PRPF31: variants seen among roughly 807,000 people sequenced by gnomAD.
PRPF31 encodes the protein pre-mRNA processing factor 31, also known as U4/U6 small nuclear ribonucleoprotein Prp31.
In PRPF31, 12 loss-of-function variants were observed where a neutral mutation model predicts 60.4. The observed-to-expected ratio is 0.20, with a 90% CI of 0.13 to 0.32. PRPF31 has a LOEUF of 0.32. Ranked by LOEUF, PRPF31 falls within the 10% of genes least tolerant of loss-of-function variation. The pLI is 1.00. For missense variants in PRPF31, 431 were observed against 687.1 expected (o/e 0.63, Z 4.17); for synonymous variants, 287 against 287.9 (o/e 1.00, Z 0.03).
At position 54,121,921 on chromosome 19, in the gene PRPF31, C is replaced by T. The variant is rs765321941; in HGVS notation, c.300C>T (p.Thr100=). Residue 100 remains threonine, a synonymous_variant, in exon 4 of 14, where the codon ACC becomes ACT. Coordinates refer to ENST00000321030, the MANE Select transcript of PRPF31 (RefSeq NM_015629.4). ...TCATCGTGGATGCCAACAACCTGACCGTGGAGATCGAAAACGAGCTGAGTG... is the reference window on the plus strand; with the variant it reads ...TCATCGTGGATGCCAACAACCTGACTGTGGAGATCGAAAACGAGCTGAGTG... The part of the protein sequence containing the change: ...YRVIVDANNL[T]VEIENELNII... 8.7e-6 allele frequency: 14 copies of T among 1,612,572 alleles called. No individual in the cohort carries two copies. In the East Asian group the frequency reaches 1.1e-4, roughly 13 times the overall value.
At chr19:54,121,692 C>T (rs587675130) in intron 3 of PRPF31, 168 bp from the exon 4 acceptor site, 5 of 721,442 alleles carry the variant, frequency 6.9e-6, no homozygotes, top group African/African-American at 1.7e-5. Context: ...GGATTGAAGG[C>T]AGGAACACAA....
intron 3 of PRPF31, chr19:54,118,865 C>G (rs369747128): frequency 1.8e-6 from 1 of 566,650 alleles, no homozygotes; most frequent in Non-Finnish European, 3.1e-6. Flanking sequence ...TGATAGGACT[C>G]AGCTTGAGGT....
chr19:54,123,470 T>C lies in PRPF31; in HGVS notation c.437T>C (p.Leu146Pro). The C allele has an allele frequency of 2.1e-5, 34 of 1,614,158 alleles. No individual in the cohort carries two copies. Among genetic ancestry groups the C allele is most frequent in the Non-Finnish European group, 2.8e-5 (33 of 1,180,006 alleles). ...IRTVKELGNS[L>P]DKCKNNENLQ... ...CGCCCCCAGGAGCTGGGCAACAGCC[T>C]GGACAAGTGCAAGAACAATGAGAAC... Residue 146 changes from leucine (L) to proline (P), a missense_variant, in exon 6 of 14, where the codon CTG becomes CCG. By Grantham distance (98) the Leu-to-Pro change is moderately conservative. Transcript: ENST00000321030.
intron 5 of PRPF31, chr19:54,122,822 A>AC: frequency 1.6e-6 from 1 of 619,368 alleles, no homozygotes. Context: ...GGCCTGACCC[A>AC]CGCTGCTCCC....
At position 54,131,559 on chromosome 19, in the gene PRPF31, C is replaced by G. The variant is rs2074048228; in HGVS notation, c.*127C>G. On this transcript the variant is annotated 3_prime_UTR_variant, in exon 14 of 14. Transcript: ENST00000321030. ...CACTGGCCCCATTGCTGGGACTGCCCAGGGAGGAGGCCTTGGAAGAGTCCG... is the reference window on the plus strand; with the variant it reads ...CACTGGCCCCATTGCTGGGACTGCCGAGGGAGGAGGCCTTGGAAGAGTCCG... 7.0e-7 allele frequency: 1 copy of G among 1,434,462 alleles called. No homozygotes were observed. Among genetic ancestry groups the G allele is most frequent in the Admixed American group, 2.0e-5 (1 of 51,034 alleles). 88.9% of individuals were successfully genotyped at this position (1,434,462 alleles called of 1,614,324 possible). A position where few individuals can be genotyped will look rare whatever the true frequency, so the allele number is the denominator to read the frequency against.
intron 6 of PRPF31, 23 bp from the exon 7 acceptor site, chr19:54,123,726 G>T: frequency 6.2e-7 from 1 of 1,600,702 alleles, no homozygotes; most frequent in Non-Finnish European, 8.5e-7. Context: ...GACCCAGGAG[G>T]CTGGGCCCAC....
At chr19:54,122,345 A>T in intron 4 of PRPF31, 152 bp from the exon 5 acceptor site, 1 of 770,974 alleles carries the variant, frequency 1.3e-6, no homozygotes, top group Non-Finnish European at 2.4e-6. Context: ...AGCGGTAAGG[A>T]CGGCTGAGAA....
At chr19:54,121,218 G>A (rs1260853776) in intron 3 of PRPF31, among the ~76,000 whole-genome samples, 1 of 151,664 alleles carries the variant, frequency 6.6e-6, no homozygotes, top group Non-Finnish European at 1.5e-5. Flanking sequence ...CAGGAGAATC[G>A]CTTGAACCCA....
At chr19:54,123,975 G>A in intron 7 of PRPF31, 57 bp downstream of exon 7, 1 of 1,606,866 alleles carries the variant, frequency 6.2e-7, no homozygotes, top group Non-Finnish European at 8.5e-7. Context: ...GTGACCTTGG[G>A]AAAGCTACAT....
At chr19:54,120,762 C>T (rs2073765631) in intron 3 of PRPF31, among the ~76,000 whole-genome samples, 1 of 152,008 alleles carries the variant, frequency 6.6e-6, no homozygotes, top group African/African-American at 2.4e-5. Flanking sequence ...TGTACACCAC[C>T]ATGCCTGGCT....
Position 54,128,305 on chromosome 19 carries a change from G to A in PRPF31, c.1074G>A (p.Arg358=), listed in dbSNP as rs2073969543. 1.1e-6 allele frequency: 1 copy of A among 927,674 alleles called. No individual in the cohort carries two copies. The highest frequency in any genetic ancestry group is 6.4e-5 in the East Asian group (1 of 15,726). The allele number at this position is 927,674 out of a possible 1,614,324, so 57.5% of individuals were successfully genotyped here. ...GCGCCGCCCACCCACCCGTCCCCAG[G>A]TACCGCAAGATGAAGGAGCGGCTGG... ...DGQRKKRGGR[R]YRKMKERLGL... The change falls in exon 11 of 14, where the codon AGG becomes AGA. Residue 358 remains arginine (R), a splice_region_variant and synonymous_variant. Transcript: ENST00000321030.
At chr19:54,121,707 AG>A in intron 3 of PRPF31, 152 bp from the exon 4 acceptor site, 1 of 745,572 alleles carries the variant, frequency 1.3e-6, no homozygotes, top group Non-Finnish European at 2.4e-6. Context: ...ACACAAGTTC[AG>A]GGATGTCTGC....
chr19:54,124,420 G>A (rs1260759140), intron 7 of PRPF31, 79 bp from the exon 8 acceptor site: 24 of 1,266,430 alleles, frequency 1.9e-5, no homozygotes, highest in Non-Finnish European at 2.7e-5. Flanking sequence ...CACACGTCGA[G>A]CCCCCAGGCA....
chr19:54,122,347 G>A lies in PRPF31; in HGVS notation c.323-150G>A, dbSNP rs375993573. 3.6e-4 allele frequency: 281 copies of A among 772,638 alleles called. 1 individual carries two copies. The highest frequency in any genetic ancestry group is 2.6e-3 in the East Asian group (109 of 41,196). The allele number at this position is 772,638 out of a possible 1,614,324, so 47.9% of individuals were successfully genotyped here. A position where few individuals can be genotyped will look rare whatever the true frequency, so the allele number is the denominator to read the frequency against. On this transcript the variant is annotated intron_variant, in intron 4 of 13. Transcript: ENST00000321030. ...CCTGGTCACACCTAGCGGTAAGGAC[G>A]GCTGAGAAAGGCTGTATGCTGGTGC...
At position 54,131,413 on chromosome 19, in the gene PRPF31, G is replaced by C; in HGVS notation, c.1481G>C (p.Ser494Thr). 1 of 1,614,116 alleles carries C rather than the reference G, an allele frequency of 6.2e-7. No individual in the cohort carries two copies. The highest frequency in any genetic ancestry group is 8.5e-7 in the Non-Finnish European group (1 of 1,180,030). Residue 494 changes from serine to threonine, a missense_variant, in exon 14 of 14, where the codon AGT (serine) becomes ACT (threonine). By Grantham distance (58) the Ser-to-Thr change is moderately conservative. Coordinates refer to ENST00000321030, the MANE Select transcript of PRPF31 (RefSeq NM_015629.4). ...AEFLKVKGEKSGLMST is the reference protein window; with the variant it reads ...AEFLKVKGEKTGLMST ...TTCCTCAAGGTCAAGGGCGAGAAGA[G>C]TGGCCTTATGTCCACCTGAATGACT...
At chr19:54,129,035 G>C (rs1275404294) in intron 11 of PRPF31, 22 bp from the exon 12 acceptor site, 2 of 1,562,292 alleles carry the variant, frequency 1.3e-6, no homozygotes, top group Non-Finnish European at 1.7e-6. Context: ...CTGAACTGCA[G>C]GGCGCCTCCT....
rs587631084 is a variant in PRPF31, at chr19:54,124,412, C to T, written c.698-87C>T. The T allele has an allele frequency of 2.2e-4, 266 of 1,198,120 alleles. 1 individual carries two copies. Among genetic ancestry groups the T allele is most frequent in the Admixed American group, 2.0e-3 (121 of 59,064 alleles). The allele number at this position is 1,198,120 out of a possible 1,614,324, so 74.2% of individuals were successfully genotyped here. On this transcript the variant is annotated intron_variant, in intron 7 of 13. Coordinates refer to ENST00000321030, the MANE Select transcript of PRPF31 (RefSeq NM_015629.4). ...GAACTTCATGTAAAGGTGCCCAGCACACGTCGAGCCCCCAGGCAGATTTAC... is the reference window on the plus strand; with the variant it reads ...GAACTTCATGTAAAGGTGCCCAGCATACGTCGAGCCCCCAGGCAGATTTAC...
chr19:54,122,049 A>C (rs1220580683), intron 4 of PRPF31, 106 bp downstream of exon 4: 2 of 1,221,314 alleles, frequency 1.6e-6, no homozygotes, highest in East Asian at 2.5e-5. Context: ...GCCCAAGCTC[A>C]GATCGAGGTT....
Position 54,126,362 on chromosome 19 carries a change from T to C in PRPF31, c.856-166T>C, listed in dbSNP as rs1402747154. On this transcript the variant is annotated intron_variant, in intron 8 of 13. Transcript: ENST00000321030. ...CTCTGTGCCCTGCCCTCATCCCCTC[T>C]TCCTGTGAAGTAGGAGCTGAGAGCA... 49 of 691,704 alleles carry C rather than the reference T, an allele frequency of 7.1e-5. 1 individual carries two copies. The highest frequency in any genetic ancestry group is 1.6e-5 in the Non-Finnish European group (6 of 383,050). 42.8% of individuals were successfully genotyped at this position (691,704 alleles called of 1,614,324 possible).
Sources: allele counts gnomAD v4.1 joint callset (sites outside exome capture counted in the v4.1 genomes callset), GRCh38; gene constraint gnomAD v4.1.1; transcripts MANE v1.5; gene names NCBI Gene and HGNC (gene_info 2026-07-23, HGNC 2026-07-21).